HSPH1: variants seen among roughly 807,000 people sequenced by gnomAD.
HSPH1 encodes the protein heat shock protein family H (Hsp110) member 1, also known as heat shock protein 105 kDa.
HSPH1 carries 40 observed loss-of-function variants against 100.0 expected under a neutral mutation model. That is an observed-to-expected ratio of 0.40 (90% CI 0.31 to 0.52). The LOEUF (loss-of-function observed/expected upper bound fraction) is 0.52, where lower values mean the gene tolerates loss of function less well. Among genes scored for constraint, HSPH1 ranks in the 20% least tolerant of loss-of-function variants. The pLI is 0.54. For missense variants in HSPH1, 876 were observed against 1,015.1 expected, an observed-to-expected ratio of 0.86 and a Z score of 1.86; for synonymous variants, 403 against 344.0, an observed-to-expected ratio of 1.17 and a Z score of -1.90.
chr13:31,150,664 T>G (rs528368476), intron 7 of HSPH1, among the ~76,000 whole-genome samples: 98 of 152,160 alleles, frequency 6.4e-4, no homozygotes, highest in Non-Finnish European at 1.2e-3. Flanking sequence ...GTGAAACGAG[T>G]TTTCAATTAC....
intron 4 of HSPH1, 54 bp downstream of exon 4, chr13:31,154,579 T>TA: frequency 6.2e-7 from 1 of 1,606,120 alleles, no homozygotes; most frequent in Non-Finnish European, 8.5e-7. Flanking sequence ...TTAAAAGTAA[T>TA]ACAAAGAACG....
chr13:31,153,691 G>A (rs770011545), intron 4 of HSPH1, among the ~76,000 whole-genome samples: 31 of 152,180 alleles, frequency 2.0e-4, no homozygotes, highest in Non-Finnish European at 2.4e-4. Context: ...AGTTTAGTAC[G>A]GTGATTTTTC....
intron 17 of HSPH1, among the ~76,000 whole-genome samples, chr13:31,138,025 CTT>C (rs1470230889): frequency 6.6e-6 from 1 of 152,026 alleles, no homozygotes; most frequent in Non-Finnish European, 1.5e-5. Context: ...TTTTTCCTTA[CTT>C]TGTTTCCCTA....
chr13:31,159,267 C>T (rs1162875815), intron 1 of HSPH1, among the ~76,000 whole-genome samples: 3 of 152,180 alleles, frequency 2.0e-5, no homozygotes, highest in East Asian at 1.9e-4. Context: ...ATTGTCATAC[C>T]GACTTTTGTT....
chr13:31,155,411 GACC>G, intron 3 of HSPH1, 100 bp downstream of exon 3: 1 of 853,234 alleles, frequency 1.2e-6, no homozygotes, highest in South Asian at 2.0e-5. Context: ...AGAACAAAAA[GACC>G]ACCTGGTGTA....
chr13:31,161,878 C>G lies in HSPH1; in HGVS notation c.-296G>C. On this transcript the variant is annotated 5_prime_UTR_variant, in exon 1 of 18. Coordinates refer to ENST00000320027, the MANE Select transcript of HSPH1 (RefSeq NM_006644.4). ...GCCTCACTCTGCCGCGGCTCGCACA[C>G]CGGCGCCGGCGCTGAACTACCGACC... 6.7e-7 allele frequency: 1 copy of G among 1,486,180 alleles called. No individual in the cohort carries two copies. The highest frequency in any genetic ancestry group is 8.9e-7 in the Non-Finnish European group (1 of 1,119,716). 92.1% of individuals were successfully genotyped at this position (1,486,180 alleles called of 1,614,324 possible).
In HSPH1 at chr13:31,138,407, C is replaced by G; in HGVS notation, c.2370G>C (p.Lys790Asn). Residue 790 changes from lysine (K) to asparagine (N), a missense_variant and splice_region_variant, in exon 17 of 18, where the codon AAG (lysine) becomes AAC (asparagine). Physicochemically the swap from Lys to Asn is moderately conservative, Grantham distance 94 (BLOSUM62 0). Coordinates refer to ENST00000320027, the MANE Select transcript of HSPH1 (RefSeq NM_006644.4). Reference sequence around the variant, plus strand: ...GTAAACACGAGACAGTAACACTCACCTTGATTTTTGTTTTAATTTCCTGAG... The same window carrying G: ...GTAAACACGAGACAGTAACACTCACGTTGATTTTTGTTTTAATTTCCTGAG... ...VRAQEIKTKIKELNNTCEPVV... is the reference protein window; with the variant it reads ...VRAQEIKTKINELNNTCEPVV... 1 of 1,612,338 alleles carries G rather than the reference C, an allele frequency of 6.2e-7. No individual in the cohort carries two copies. The highest frequency in any genetic ancestry group is 1.1e-5 in the South Asian group (1 of 90,950).
chr13:31,150,814 A>G, intron 7 of HSPH1, 133 bp downstream of exon 7: 2 of 854,060 alleles, frequency 2.3e-6, no homozygotes, highest in South Asian at 3.6e-5. Flanking sequence ...AAACAACAGC[A>G]TCTCCAGCCA....
chr13:31,161,868 G>C lies in HSPH1; in HGVS notation c.-286C>G. ...CGGGTTGCCTGCCTCACTCTGCCGCGGCTCGCACACCGGCGCCGGCGCTGA... is the reference window on the plus strand; with the variant it reads ...CGGGTTGCCTGCCTCACTCTGCCGCCGCTCGCACACCGGCGCCGGCGCTGA... On this transcript the variant is annotated 5_prime_UTR_variant, in exon 1 of 18. Coordinates refer to ENST00000320027, the MANE Select transcript of HSPH1 (RefSeq NM_006644.4). The C allele has an allele frequency of 3.4e-6, 5 of 1,484,696 alleles. No homozygotes were observed. The highest frequency in any genetic ancestry group is 2.2e-5 in the Admixed American group (1 of 45,640). 92.0% of individuals were successfully genotyped at this position (1,484,696 alleles called of 1,614,324 possible).
chr13:31,140,073 TA>T (rs34849590), intron 14 of HSPH1, 110 bp downstream of exon 14: 2 of 1,100,048 alleles, frequency 1.8e-6, no homozygotes, highest in Non-Finnish European at 2.5e-6. Flanking sequence ...TTTCTGTTTC[TA>T]AAAAGTTTAA....
chr13:31,149,939 G>C lies in HSPH1; in HGVS notation c.1137+15C>G. On this transcript the variant is annotated intron_variant, in intron 8 of 17. Transcript: ENST00000320027. ...AAAGACTGTACACCAAGCAAAAGCA[G>C]AGTTGAGAAAGTACCTGTAATGCAC... 6.3e-7 allele frequency: 1 copy of C among 1,597,900 alleles called. No individual in the cohort carries two copies. Among genetic ancestry groups the C allele is most frequent in the Non-Finnish European group, 8.6e-7 (1 of 1,165,464 alleles).
Position 31,143,783 on chromosome 13 carries a change from G to A in HSPH1, c.1716+9C>T. On this transcript the variant is annotated intron_variant, in intron 12 of 17. Coordinates refer to ENST00000320027, the MANE Select transcript of HSPH1 (RefSeq NM_006644.4). ...TTGTCTAATGGAATGAACTAGAAGA[G>A]TCACTCACTTTGTCAGCATCTGGGA... 6.2e-7 allele frequency: 1 copy of A among 1,602,834 alleles called. No individual in the cohort carries two copies. Among genetic ancestry groups the A allele is most frequent in the Non-Finnish European group, 8.5e-7 (1 of 1,174,440 alleles).
intron 6 of HSPH1, 164 bp from the exon 7 acceptor site, chr13:31,151,355 T>C (rs1235255027): frequency 1.5e-5 from 11 of 751,354 alleles, no homozygotes; most frequent in East Asian, 1.1e-4. Flanking sequence ...TAAGATATTT[T>C]TGACTTTTAA....
rs1291437744 is a variant in HSPH1, at chr13:31,152,942, A to C, written c.439T>G (p.Phe147Val). The part of the protein sequence containing the change: ...VTDCVISVPS[F>V]FTDAERRSVL... The stretch of plus-strand genomic sequence containing the variant: ...GATCGCCTCTCAGCATCTGTAAAGA[A>C]GGAGGGGACCTACAAACAAACAAAA... Residue 147 changes from phenylalanine (F) to valine (V), a missense_variant, in exon 5 of 18, where the codon TTC (phenylalanine) becomes GTC (valine). Transcript: ENST00000320027. 1.2e-6 allele frequency: 2 copies of C among 1,610,720 alleles called. No homozygotes were observed. Among genetic ancestry groups the C allele is most frequent in the African/African-American group, 1.3e-5 (1 of 74,844 alleles).
At chr13:31,138,276 C>A in intron 17 of HSPH1, 131 bp downstream of exon 17, 1 of 808,046 alleles carries the variant, frequency 1.2e-6, no homozygotes, top group Non-Finnish European at 2.1e-6. Flanking sequence ...GAATAATAGA[C>A]TAAGAAAAGC....
chr13:31,144,145 A>C (rs1489391463), intron 11 of HSPH1, among the ~76,000 whole-genome samples: 1 of 152,186 alleles, frequency 6.6e-6, no homozygotes. Flanking sequence ...TAATATCGTT[A>C]AATAACACAA....
chr13:31,151,925 C>T (rs1437600907), intron 5 of HSPH1, 183 bp from the exon 6 acceptor site: 1 of 567,218 alleles, frequency 1.8e-6, no homozygotes, highest in Non-Finnish European at 3.1e-6. Context: ...TACTCTCTTT[C>T]TGATTTCAGA....
At position 31,158,865 on chromosome 13, in the gene HSPH1, T is replaced by A; in HGVS notation, c.108-2A>T. ...TTTGATCCAAATGATATGACTGACC[T>A]AGAAAAAAATATATTCCAAAAAATT... On this transcript the variant is annotated splice_acceptor_variant, in intron 1 of 17. Transcript: ENST00000320027. LOFTEE classifies it high-confidence loss of function. 2 of 1,556,966 alleles carry A rather than the reference T, an allele frequency of 1.3e-6. No individual in the cohort carries two copies. The highest frequency in any genetic ancestry group is 1.8e-6 in the Non-Finnish European group (2 of 1,128,676).
At chr13:31,152,470 A>G in intron 5 of HSPH1, 1 of 215,220 alleles carries the variant, frequency 4.6e-6, no homozygotes, top group Non-Finnish European at 9.3e-6. Flanking sequence ...ACCTATCTAC[A>G]GTTCAGTAGA....
Sources: allele counts gnomAD v4.1 joint callset (sites outside exome capture counted in the v4.1 genomes callset), GRCh38; gene constraint gnomAD v4.1.1; transcripts MANE v1.5; gene names NCBI Gene and HGNC (gene_info 2026-07-23, HGNC 2026-07-21).